The following IMMP2L variants were observed in gnomAD, a reference collection of about 807,000 sequenced individuals.
IMMP2L encodes the protein mitochondrial inner membrane protease subunit 2.
In IMMP2L, 18 loss-of-function variants were observed where a neutral mutation model predicts 19.3. That is an observed-to-expected ratio of 0.93 (90% CI 0.64 to 1.38). IMMP2L has a LOEUF of 1.38. IMMP2L is among the 40% of genes most tolerant of loss of function. IMMP2L has a pLI of 0.00. For missense variants in IMMP2L, 233 were observed against 218.2 expected (o/e 1.07, Z -0.43); for synonymous variants, 76 against 73.0 (o/e 1.04, Z -0.21).
chr7:111,108,889 A>G (rs929251991), intron 3 of IMMP2L, among the ~76,000 whole-genome samples: 1 of 152,194 alleles, frequency 6.6e-6, no homozygotes, highest in Admixed American at 6.5e-5. Context: ...TCATTCATTC[A>G]GTAGATATTT....
chr7:111,500,569 C>A (rs1299959451), intron 2 of IMMP2L, among the ~76,000 whole-genome samples: 2 of 152,192 alleles, frequency 1.3e-5, no homozygotes, highest in Non-Finnish European at 2.9e-5. Context: ...TACGGGCAGA[C>A]TGACACCTCA....
intron 3 of IMMP2L, among the ~76,000 whole-genome samples, chr7:111,384,979 A>T (rs944939757): frequency 7.9e-5 from 12 of 152,148 alleles, no homozygotes; most frequent in African/African-American, 2.9e-4. Context: ...GAATTTTTAG[A>T]AAAATTAGGT....
intron 3 of IMMP2L, among the ~76,000 whole-genome samples, chr7:111,324,713 A>C (rs898251274): frequency 3.3e-5 from 5 of 151,920 alleles, no homozygotes; most frequent in Admixed American, 6.6e-5. Flanking sequence ...ATAGCTAAAA[A>C]ATAAATATTC....
intron 3 of IMMP2L, among the ~76,000 whole-genome samples, chr7:111,093,885 C>A (rs911520686): frequency 6.6e-6 from 1 of 151,970 alleles, no homozygotes; most frequent in Non-Finnish European, 1.5e-5. Flanking sequence ...TTCAGGGTGT[C>A]GCTTGTCACA....
At chr7:111,055,000 C>T (rs1237175922) in intron 3 of IMMP2L, among the ~76,000 whole-genome samples, 5 of 150,434 alleles carry the variant, frequency 3.3e-5, no homozygotes, top group African/African-American at 4.9e-5. Context: ...GTAGCACTGA[C>T]CCTCCCACCC....
chr7:111,546,318 T>C (rs142927098), intron 1 of IMMP2L, among the ~76,000 whole-genome samples: 1 of 152,166 alleles, frequency 6.6e-6, no homozygotes, highest in Admixed American at 6.5e-5. Flanking sequence ...TAGTTCCCTA[T>C]ACCCTCAATG....
intron 4 of IMMP2L, among the ~76,000 whole-genome samples, chr7:110,901,339 T>C (rs1311323833): frequency 6.6e-6 from 1 of 152,176 alleles, no homozygotes; most frequent in Non-Finnish European, 1.5e-5. Context: ...ATTCATTGAA[T>C]GAGTATGGAT....
chr7:111,297,153 T>C (rs919514331), intron 3 of IMMP2L, among the ~76,000 whole-genome samples: 1 of 152,050 alleles, frequency 6.6e-6, no homozygotes, highest in African/African-American at 2.4e-5. Context: ...GGTGTTTGCA[T>C]GAATCTACAA....
chr7:110,891,379 C>T (rs1810780873), intron 4 of IMMP2L, among the ~76,000 whole-genome samples: 1 of 152,212 alleles, frequency 6.6e-6, no homozygotes, highest in Non-Finnish European at 1.5e-5. Flanking sequence ...TTCGAATTCA[C>T]ACTACTTGGG....
intron 3 of IMMP2L, among the ~76,000 whole-genome samples, chr7:111,346,617 T>C (rs1312360741): frequency 6.6e-6 from 1 of 152,042 alleles, no homozygotes; most frequent in Non-Finnish European, 1.5e-5. Flanking sequence ...CCTCTGGAAG[T>C]ATACATGGAC....
chr7:110,972,743 T>C (rs1018024130), intron 3 of IMMP2L, among the ~76,000 whole-genome samples: 1 of 152,010 alleles, frequency 6.6e-6, no homozygotes, highest in East Asian at 1.9e-4. Flanking sequence ...GAGCAGTGAG[T>C]AGACAGAAAA....
chr7:111,404,674 G>A (rs1736836423), intron 3 of IMMP2L, among the ~76,000 whole-genome samples: 1 of 151,888 alleles, frequency 6.6e-6, no homozygotes, highest in Non-Finnish European at 1.5e-5. Context: ...CATTCTTAAG[G>A]TCCCAACACC....
Position 110,682,317 on chromosome 7 carries a change from C to T in IMMP2L, c.409-18596G>A, listed in dbSNP as rs1472356062. Among the ~76,000 whole-genome samples, 5 of 152,188 alleles carry T rather than the reference C, an allele frequency of 3.3e-5. 1 individual carries two copies. In the South Asian group the frequency reaches 6.2e-4, roughly 19 times the overall value. On this transcript the variant is annotated intron_variant, in intron 5 of 5. Coordinates refer to ENST00000405709, the MANE Select transcript of IMMP2L (RefSeq NM_032549.4). Reference sequence around the variant, plus strand: ...TTCCATGACCTCTTCCCAGTTTCAACAGCTTGTGAATAATTCTAACTAATA... The same window carrying T: ...TTCCATGACCTCTTCCCAGTTTCAATAGCTTGTGAATAATTCTAACTAATA...
At chr7:110,786,563 C>G (rs998081865) in intron 5 of IMMP2L, among the ~76,000 whole-genome samples, 2 of 151,900 alleles carry the variant, frequency 1.3e-5, no homozygotes. Context: ...GCTGTTACAC[C>G]AAAGGCCTTT....
At chr7:110,878,976 C>T (rs1809356474) in intron 5 of IMMP2L, among the ~76,000 whole-genome samples, 1 of 152,248 alleles carries the variant, frequency 6.6e-6, no homozygotes, top group African/African-American at 2.4e-5. Flanking sequence ...AATATTTAGA[C>T]ATGTAGTATT....
chr7:111,395,337 G>A (rs924649886), intron 3 of IMMP2L, among the ~76,000 whole-genome samples: 1 of 152,058 alleles, frequency 6.6e-6, no homozygotes, highest in Non-Finnish European at 1.5e-5. Flanking sequence ...AACCTAAAAT[G>A]TATTTCTACC....
chr7:111,005,761 G>C (rs1267331153), intron 3 of IMMP2L, among the ~76,000 whole-genome samples: 2 of 152,152 alleles, frequency 1.3e-5, no homozygotes, highest in Admixed American at 1.3e-4. Flanking sequence ...CCCTTCAGGA[G>C]AGAGTAAAGA....
intron 3 of IMMP2L, among the ~76,000 whole-genome samples, chr7:111,206,463 G>A (rs535201903): frequency 1.7e-4 from 26 of 151,870 alleles, no homozygotes; most frequent in East Asian, 1.2e-3. Flanking sequence ...GGTGTATAGC[G>A]ACCGAGTAAG....
At chr7:111,397,921 C>T (rs756489088) in intron 3 of IMMP2L, among the ~76,000 whole-genome samples, 4 of 151,920 alleles carry the variant, frequency 2.6e-5, no homozygotes, top group African/African-American at 9.7e-5. Flanking sequence ...GGTTTTATAT[C>T]GAGGAAGGCC....
Sources: gnomAD v4.1 joint callset for allele counts (sites outside exome capture counted in the v4.1 genomes callset) on GRCh38, gnomAD v4.1.1 for gene constraint, MANE v1.5 for transcripts, NCBI Gene and HGNC (gene_info 2026-07-23, HGNC 2026-07-21) for gene names.